Variants in RAP1A observed in about 807,000 individuals in gnomAD.
RAP1A encodes the protein ras-related protein Rap-1A.
RAP1A carries 6 observed loss-of-function variants against 26.4 expected under a neutral mutation model. The ratio of observed to expected loss-of-function variants is 0.23; its 90% CI spans 0.12 to 0.45. RAP1A has a LOEUF of 0.45. Among genes scored for constraint, RAP1A ranks in the 20% least tolerant of loss-of-function variants. The pLI is 0.99. For synonymous variants in RAP1A, 73 were observed against 79.4 expected (o/e 0.92, Z 0.43); for missense variants, 121 against 217.2 (o/e 0.56, Z 2.78).
chr1:111,691,375 G>A lies in RAP1A; in HGVS notation c.15G>A (p.Lys5=). Residue 5 remains lysine (K), a synonymous_variant, in exon 2 of 8, where the codon AAG becomes AAA. Coordinates refer to ENST00000369709, the MANE Select transcript of RAP1A (RefSeq NM_002884.4). The part of the protein sequence containing the change: MREY[K]LVVLGSGGVG... ...CAGATCACATCATGCGTGAGTACAA[G>A]CTAGTGGTCCTTGGTTCAGGAGGCG... 6.2e-7 allele frequency: 1 copy of A among 1,613,720 alleles called. No homozygotes were observed. The highest frequency in any genetic ancestry group is 8.5e-7 in the Non-Finnish European group (1 of 1,179,658).
At chr1:111,695,997 TG>T (rs1196617846) in intron 3 of RAP1A, among the ~76,000 whole-genome samples, 11 of 152,240 alleles carry the variant, frequency 7.2e-5, no homozygotes, top group Admixed American at 1.3e-4. Context: ...ATGTTGATGG[TG>T]GGGTGAGGCT....
At chr1:111,660,653 C>T (rs1660604614) in intron 1 of RAP1A, among the ~76,000 whole-genome samples, 1 of 152,300 alleles carries the variant, frequency 6.6e-6, no homozygotes, top group African/African-American at 2.4e-5. Flanking sequence ...CCAGAGAGAC[C>T]TTTTAAAAAT....
chr1:111,557,443 G>A (rs975527790), intron 1 of RAP1A, among the ~76,000 whole-genome samples: 8 of 151,878 alleles, frequency 5.3e-5, no homozygotes, highest in South Asian at 2.1e-4. Context: ...CCAGCTACTC[G>A]GGAGGCTGAA....
chr1:111,622,434 A>C (rs1659244658), intron 1 of RAP1A, among the ~76,000 whole-genome samples: 1 of 152,174 alleles, frequency 6.6e-6, no homozygotes, highest in Non-Finnish European at 1.5e-5. Context: ...GTCTGCACTT[A>C]ATGTCCTCTC....
intron 1 of RAP1A, among the ~76,000 whole-genome samples, chr1:111,655,743 T>C (rs1660436489): frequency 6.8e-6 from 1 of 147,706 alleles, no homozygotes; most frequent in Non-Finnish European, 1.5e-5. Flanking sequence ...TCTCACTGCT[T>C]GCTCACTGCA....
intron 1 of RAP1A, among the ~76,000 whole-genome samples, chr1:111,635,071 TAATA>T (rs1373175766): frequency 2.0e-5 from 3 of 152,340 alleles, no homozygotes; most frequent in East Asian, 3.8e-4. Flanking sequence ...GCTTTACAAA[TAATA>T]AATAGGATTT....
intron 4 of RAP1A, among the ~76,000 whole-genome samples, chr1:111,698,014 T>G (rs1384471966): frequency 6.6e-6 from 1 of 152,028 alleles, no homozygotes; most frequent in Non-Finnish European, 1.5e-5. Flanking sequence ...CATCATAAGG[T>G]GTTTGTGATA....
chr1:111,610,932 A>G (rs1658916620), intron 1 of RAP1A, among the ~76,000 whole-genome samples: 1 of 151,816 alleles, frequency 6.6e-6, no homozygotes, highest in Non-Finnish European at 1.5e-5. Flanking sequence ...GCAAATATTC[A>G]GAAAGTGACT....
chr1:111,568,465 A>G (rs1657973115), intron 1 of RAP1A, among the ~76,000 whole-genome samples: 2 of 152,122 alleles, frequency 1.3e-5, no homozygotes, highest in Non-Finnish European at 2.9e-5. Flanking sequence ...ATGCTAAACC[A>G]TTCAGGAGGG....
At chr1:111,629,798 G>A (rs535364198) in intron 1 of RAP1A, among the ~76,000 whole-genome samples, 6 of 152,222 alleles carry the variant, frequency 3.9e-5, no homozygotes, top group African/African-American at 7.2e-5. Flanking sequence ...TCAACTGAAT[G>A]AAATTTCATT....
chr1:111,607,233 A>C (rs917749344), intron 1 of RAP1A, among the ~76,000 whole-genome samples: 5 of 151,846 alleles, frequency 3.3e-5, no homozygotes, highest in Non-Finnish European at 7.4e-5. Context: ...CTTAACGAGC[A>C]TGCTGCCTTC....
At chr1:111,636,248 A>G (rs1659725932) in intron 1 of RAP1A, among the ~76,000 whole-genome samples, 1 of 152,002 alleles carries the variant, frequency 6.6e-6, no homozygotes, top group African/African-American at 2.4e-5. Context: ...AGAATTAAAA[A>G]CTGTTTCTTT....
chr1:111,645,549 G>T (rs1425518940), intron 1 of RAP1A, among the ~76,000 whole-genome samples: 1 of 152,140 alleles, frequency 6.6e-6, no homozygotes, highest in Admixed American at 6.6e-5. Context: ...CTGATTTGCG[G>T]GTGAAACAAC....
intron 4 of RAP1A, among the ~76,000 whole-genome samples, chr1:111,701,594 A>T (rs181452457): frequency 0.011 from 1,674 of 152,288 alleles, 15 homozygotes; most frequent in Middle Eastern, 0.024. Flanking sequence ...ATTTGTTGTG[A>T]ATGGATGAAA....
At chr1:111,683,899 G>A (rs1210814856) in intron 1 of RAP1A, among the ~76,000 whole-genome samples, 1 of 152,150 alleles carries the variant, frequency 6.6e-6, no homozygotes, top group African/African-American at 2.4e-5. Flanking sequence ...GACCATCGAT[G>A]CAAAAATCCT....
At chr1:111,656,544 G>C (rs1377537527) in intron 1 of RAP1A, among the ~76,000 whole-genome samples, 2 of 152,078 alleles carry the variant, frequency 1.3e-5, no homozygotes, top group East Asian at 3.9e-4. Context: ...GAACCCAGTT[G>C]TGCTTTTGTC....
intron 1 of RAP1A, among the ~76,000 whole-genome samples, chr1:111,545,739 G>A (rs1657012058): frequency 6.6e-6 from 1 of 152,104 alleles, no homozygotes; most frequent in African/African-American, 2.4e-5. Context: ...CCTTTGAAAA[G>A]CTTTGTTATT....
chr1:111,595,383 G>A (rs967986562), intron 1 of RAP1A, among the ~76,000 whole-genome samples: 2 of 152,116 alleles, frequency 1.3e-5, no homozygotes, highest in South Asian at 2.1e-4. Context: ...ATTGCCTGAC[G>A]TAAGGTCACC....
At chr1:111,698,592 G>A (rs1209743944) in intron 4 of RAP1A, among the ~76,000 whole-genome samples, 3 of 151,934 alleles carry the variant, frequency 2.0e-5, no homozygotes, top group African/African-American at 7.3e-5. Flanking sequence ...GTGATAAGTT[G>A]TTTAAAATTC....
Sources: allele counts gnomAD v4.1 joint callset (sites outside exome capture counted in the v4.1 genomes callset), GRCh38; gene constraint gnomAD v4.1.1; transcripts MANE v1.5; gene names NCBI Gene and HGNC (gene_info 2026-07-23, HGNC 2026-07-21).